Variants in KIF6 observed in about 807,000 individuals in gnomAD.
KIF6 encodes kinesin-like protein KIF6.
In KIF6, 106 loss-of-function variants were observed where a neutral mutation model predicts 112.7. That is an observed-to-expected ratio of 0.94 (90% CI 0.80 to 1.11). The LOEUF is 1.11. Ranked by LOEUF, KIF6 falls within the 50% of genes least tolerant of loss-of-function variation. The pLI, the probability that KIF6 is intolerant of heterozygous loss-of-function variation, is 0.00. For missense variants in KIF6, 929 were observed against 964.0 expected, an observed-to-expected ratio of 0.96 and a Z score of 0.48; for synonymous variants, 339 against 339.9, an observed-to-expected ratio of 1.00 and a Z score of 0.03.
intron 3 of KIF6, among the ~76,000 whole-genome samples, chr6:39,704,850 C>T (rs1789103501): frequency 6.6e-6 from 1 of 152,194 alleles, no homozygotes; most frequent in Non-Finnish European, 1.5e-5. Context: ...TCAGATTTCT[C>T]TTAACTTGTA....
chr6:39,499,905 G>A (rs1328546849), intron 13 of KIF6, among the ~76,000 whole-genome samples: 1 of 152,210 alleles, frequency 6.6e-6, no homozygotes, highest in Non-Finnish European at 1.5e-5. Flanking sequence ...AAAGGATAAA[G>A]TAACTGCTCA....
intron 10 of KIF6, among the ~76,000 whole-genome samples, chr6:39,572,943 G>A (rs1488200059): frequency 6.7e-6 from 1 of 150,244 alleles, no homozygotes; most frequent in Non-Finnish European, 1.5e-5. Context: ...GCTGGGAAAT[G>A]GCTCAAAAAA....
At chr6:39,480,583 G>A (rs1774735482) in intron 13 of KIF6, among the ~76,000 whole-genome samples, 1 of 152,062 alleles carries the variant, frequency 6.6e-6, no homozygotes, top group African/African-American at 2.4e-5. Context: ...GAATGATTTA[G>A]GGAGGATTCC....
intron 3 of KIF6, among the ~76,000 whole-genome samples, chr6:39,665,989 A>G (rs1405177775): frequency 6.6e-6 from 1 of 152,218 alleles, no homozygotes; most frequent in African/African-American, 2.4e-5. Flanking sequence ...TACCATGAAC[A>G]TAATTATTTT....
rs1783131011 is a variant in KIF6 at position 39,610,067 on chromosome 6, A to T, written c.639+3122T>A. ...GCACTATGCATGGCCTGATCATTGA[A>T]TGCAGGCTGCTTTCTTCAGTTAGAT... On this transcript the variant is annotated intron_variant, in intron 6 of 22. Coordinates refer to ENST00000287152, the MANE Select transcript of KIF6 (RefSeq NM_145027.6). Among the ~76,000 whole-genome samples, 4 of 152,348 alleles carry T rather than the reference A, an allele frequency of 2.6e-5. No individual in the cohort carries two copies. The South Asian group carries it at 8.3e-4, about 32-fold the overall frequency.
rs148788867 is a variant in KIF6 at position 39,363,864 on chromosome 6, A to C, written c.1862-1346T>G. Among the ~76,000 whole-genome samples, 427 of 152,352 alleles carry C rather than the reference A, an allele frequency of 2.8e-3. 5 individuals are homozygous for C. The highest frequency in any genetic ancestry group is 9.3e-3 in the African/African-American group (385 of 41,590). On this transcript the variant is annotated intron_variant, in intron 16 of 22. Transcript: ENST00000287152. ...CGTATAACATTTCTGACAGAGGGTC[A>C]TCTGCTTTCTGCTCAAATACTTGCA... is the stretch of plus-strand genomic sequence containing the variant.
chr6:39,511,191 G>A (rs1582017096), intron 13 of KIF6, among the ~76,000 whole-genome samples: 1 of 152,122 alleles, frequency 6.6e-6, no homozygotes, highest in East Asian at 1.9e-4. Flanking sequence ...AGGACTTGAC[G>A]TCAGCTCTGG....
chr6:39,505,743 T>C (rs746003373), intron 13 of KIF6, among the ~76,000 whole-genome samples: 27 of 151,960 alleles, frequency 1.8e-4, no homozygotes, highest in Non-Finnish European at 2.5e-4. Flanking sequence ...CCAACAAACA[T>C]ATGAAAAAAA....
intron 5 of KIF6, among the ~76,000 whole-genome samples, chr6:39,620,763 T>C (rs905810657): frequency 1.5e-4 from 23 of 151,736 alleles, no homozygotes; most frequent in African/African-American, 2.9e-4. Context: ...TATTTATTTA[T>C]TTATTTATTT....
intron 3 of KIF6, among the ~76,000 whole-genome samples, chr6:39,668,036 C>G (rs771654247): frequency 6.6e-6 from 1 of 152,062 alleles, no homozygotes; most frequent in Non-Finnish European, 1.5e-5. Flanking sequence ...CTTACTCCAG[C>G]TTTTTTCACA....
Position 39,458,081 on chromosome 6 carries a change from T to C in KIF6, c.1646-26920A>G, listed in dbSNP as rs543765207. ...GAGACACAACCAAAAAAGAGAATCT[T>C]AGACCAATATCCTTGATGAACATTG... On this transcript the variant is annotated intron_variant, in intron 13 of 22. Transcript: ENST00000287152. 3.3e-5 allele frequency among the ~76,000 whole-genome samples: 5 copies of C among 151,948 alleles called. No individual in the cohort carries two copies. In the East Asian group the frequency reaches 9.7e-4, roughly 29 times the overall value.
At position 39,598,577 on chromosome 6, in the gene KIF6, A is replaced by ATGTGTGTG. The variant is rs70984133; in HGVS notation, c.640-2325_640-2318dup. On this transcript the variant is annotated intron_variant, in intron 6 of 22. Transcript: ENST00000287152. Reference sequence around the variant, plus strand: ...AAATCTTGGGCAGGTATACATATATATGTGTGTGTGTGTGTGTGTGTGTGT... The same window carrying ATGTGTGTG: ...AAATCTTGGGCAGGTATACATATATATGTGTGTGTGTGTGTGTGTGTGTGTGTGTGTGT... Among the ~76,000 whole-genome samples, 1,382 of 147,928 alleles carry ATGTGTGTG rather than the reference A, an allele frequency of 9.3e-3. 24 individuals carry two copies. The highest frequency in any genetic ancestry group is 0.031 in the African/African-American group (1,247 of 40,136).
intron 3 of KIF6, among the ~76,000 whole-genome samples, chr6:39,682,563 A>G (rs1229061479): frequency 6.6e-6 from 1 of 152,188 alleles, no homozygotes; most frequent in Non-Finnish European, 1.5e-5. Context: ...ATAATGCACT[A>G]CAATGTGACT....
At chr6:39,564,968 T>C (rs1433494374) in intron 10 of KIF6, among the ~76,000 whole-genome samples, 2 of 152,190 alleles carry the variant, frequency 1.3e-5, no homozygotes, top group Non-Finnish European at 2.9e-5. Context: ...CTTAACAAAA[T>C]GAAAACTTTG....
At chr6:39,462,601 A>G (rs1773545837) in intron 13 of KIF6, among the ~76,000 whole-genome samples, 1 of 152,170 alleles carries the variant, frequency 6.6e-6, no homozygotes, top group South Asian at 2.1e-4. Flanking sequence ...TGAGGAGGGT[A>G]GAGGTATTTA....
At chr6:39,709,450 A>C (rs1460930421) in intron 3 of KIF6, among the ~76,000 whole-genome samples, 1 of 152,190 alleles carries the variant, frequency 6.6e-6, no homozygotes, top group Non-Finnish European at 1.5e-5. Context: ...AGCTGATCTG[A>C]CAGGAGGTGG....
At chr6:39,723,457 G>A (rs1056864850) in intron 1 of KIF6, among the ~76,000 whole-genome samples, 5 of 152,158 alleles carry the variant, frequency 3.3e-5, no homozygotes, top group African/African-American at 1.2e-4. Flanking sequence ...TTACAGCTCT[G>A]CTGTTCACAA....
chr6:39,407,682 C>G (rs930372323), intron 15 of KIF6, among the ~76,000 whole-genome samples: 1 of 152,156 alleles, frequency 6.6e-6, no homozygotes, highest in Non-Finnish European at 1.5e-5. Flanking sequence ...ATATTTTCAG[C>G]AGTAAACTCA....
chr6:39,684,077 G>A (rs1787698551), intron 3 of KIF6, among the ~76,000 whole-genome samples: 1 of 152,204 alleles, frequency 6.6e-6, no homozygotes, highest in African/African-American at 2.4e-5. Flanking sequence ...AGGAAGCCTG[G>A]ATTGTGTTTC....
Sources: gnomAD v4.1 joint callset for allele counts (sites outside exome capture counted in the v4.1 genomes callset) on GRCh38, gnomAD v4.1.1 for gene constraint, MANE v1.5 for transcripts, NCBI Gene and HGNC (gene_info 2026-07-23, HGNC 2026-07-21) for gene names.